CEP63: variants seen among roughly 807,000 people sequenced by gnomAD.
CEP63 encodes the protein centrosomal protein of 63 kDa.
A neutral mutation model predicts 89.1 loss-of-function variants in CEP63; 84 were observed. The ratio of observed to expected loss-of-function variants is 0.94; its 90% confidence interval spans 0.79 to 1.13. The LOEUF is 1.13. Ranked by LOEUF, CEP63 falls within the 50% of genes most tolerant of loss-of-function variation. CEP63 has a pLI of 0.00. For synonymous variants in CEP63, 267 were observed against 272.5 expected, an observed-to-expected ratio of 0.98 and a Z score of 0.20; for missense variants, 838 against 813.3, an observed-to-expected ratio of 1.03 and a Z score of -0.37.
the CEP63 span, among the ~76,000 whole-genome samples, chr3:134,621,914 A>G: frequency 8.5e-5 from 13 of 152,352 alleles, no homozygotes; most frequent in Middle Eastern, 3.4e-3. Flanking sequence ...ACTTGAACAG[A>G]TATTTCTCTA....
the CEP63 span, among the ~76,000 whole-genome samples, chr3:134,657,420 A>T: frequency 2.0e-5 from 3 of 152,344 alleles, no homozygotes; most frequent in South Asian, 4.1e-4. Context: ...TTATTTAAAA[A>T]GTATAATTGG....
chr3:134,602,266 C>G, the CEP63 span, among the ~76,000 whole-genome samples: 1 of 152,114 alleles, frequency 6.6e-6, no homozygotes, highest in Non-Finnish European at 1.5e-5. Flanking sequence ...TATCTGCCCT[C>G]GCTGAAGTCA....
the CEP63 span, among the ~76,000 whole-genome samples, chr3:134,680,529 G>A: frequency 6.6e-6 from 1 of 152,296 alleles, no homozygotes; most frequent in Non-Finnish European, 1.5e-5. Flanking sequence ...AGACTTTACT[G>A]AGCCTCAGTT....
chr3:134,667,833 T>A, the CEP63 span, among the ~76,000 whole-genome samples: 2 of 152,174 alleles, frequency 1.3e-5, no homozygotes, highest in African/African-American at 2.4e-5. Flanking sequence ...CTGCTGGGGA[T>A]CATCAACTGG....
the CEP63 span, among the ~76,000 whole-genome samples, chr3:134,652,246 G>T: frequency 6.6e-6 from 1 of 152,258 alleles, no homozygotes; most frequent in Admixed American, 6.5e-5. Context: ...TATAGAAAGT[G>T]GTCTTCATAT....
At chr3:134,588,778 G>A (rs1958539043), downstream of CEP63, among the ~76,000 whole-genome samples, 1 of 152,074 alleles carries the variant, frequency 6.6e-6, no homozygotes, top group Non-Finnish European at 1.5e-5. Context: ...TCAAAAGTTA[G>A]TTCTTTAAAA....
chr3:134,505,195 T>G (rs565241591), intron 2 of CEP63, among the ~76,000 whole-genome samples: 1 of 152,334 alleles, frequency 6.6e-6, no homozygotes, highest in Admixed American at 6.5e-5. Flanking sequence ...ATTTTTCTTG[T>G]GTCCTTGTGT....
chr3:134,549,964 T>G, intron 10 of CEP63, 99 bp from the exon 11 acceptor site: 87 of 868,834 alleles, frequency 1.0e-4, no homozygotes, highest in Non-Finnish European at 1.6e-4. Flanking sequence ...TTTAATGTCT[T>G]GAGATAAGGT....
the CEP63 span, among the ~76,000 whole-genome samples, chr3:134,617,256 C>T: frequency 6.6e-6 from 1 of 152,268 alleles, no homozygotes; most frequent in African/African-American, 2.4e-5. Flanking sequence ...GGAAAATAAT[C>T]ATGTTCTGAA....
chr3:134,755,221 GCCCTGAA>G, the CEP63 span, among the ~76,000 whole-genome samples: 575 of 87,764 alleles, frequency 6.6e-3, 6 homozygotes, highest in African/African-American at 0.019. Context: ...AGAGGCCAGA[GCCCTGAA>G]CCCTGAGCCC....
rs1957602353 is a variant in CEP63 at position 134,564,319 on chromosome 3, C to G, written c.*2784C>G. ...TGCATGCTGTCCTTCAGTTTGTCTC[C>G]TCTTCCCACACCCTGTCATGTGCTC... On this transcript the variant is annotated 3_prime_UTR_variant, in exon 15 of 15. Coordinates refer to ENST00000675561, the MANE Select transcript of CEP63 (RefSeq NM_001353108.3). 1 of 985,450 alleles carries G rather than the reference C, an allele frequency of 1.0e-6. No homozygotes were observed. The allele number at this position is 985,450 out of a possible 1,614,324, so 61.0% of individuals were successfully genotyped here.
the CEP63 span, among the ~76,000 whole-genome samples, chr3:134,749,614 G>A: frequency 2.1e-5 from 3 of 145,202 alleles, no homozygotes; most frequent in Admixed American, 7.2e-5. Flanking sequence ...GTGTGCAACC[G>A]GGAGAGCTGT....
chr3:134,756,575 A>G, the CEP63 span, among the ~76,000 whole-genome samples: 2 of 152,096 alleles, frequency 1.3e-5, no homozygotes, highest in African/African-American at 4.8e-5. Flanking sequence ...GCTGGTCTCA[A>G]ACTCCTGGGC....
chr3:134,548,442 G>A lies in CEP63; in HGVS notation c.1068-620G>A, dbSNP rs144434722. ...ACCCACCTAAACACTTGTCATTGTC[G>A]TACTTATAGAATTTTTTTTGGTTTT... On this transcript the variant is annotated intron_variant, in intron 9 of 14. Transcript: ENST00000675561. Among the ~76,000 whole-genome samples, 7 of 152,218 alleles carry A rather than the reference G, an allele frequency of 4.6e-5. No homozygotes were observed. In the East Asian group the frequency reaches 5.8e-4, roughly 13 times the overall value.
At chr3:134,495,617 A>G (rs1279133093) in intron 2 of CEP63, among the ~76,000 whole-genome samples, 3 of 152,198 alleles carry the variant, frequency 2.0e-5, no homozygotes, top group Admixed American at 1.3e-4. Context: ...TGTGCTAATT[A>G]CTTAACTAGT....
downstream of CEP63, among the ~76,000 whole-genome samples, chr3:134,591,393 A>T (rs1422569212): frequency 1.3e-5 from 2 of 152,148 alleles, no homozygotes; most frequent in Admixed American, 1.3e-4. Flanking sequence ...AATCCTGGGA[A>T]ATTCATTGAA....
intron 14 of CEP63, among the ~76,000 whole-genome samples, chr3:134,561,096 A>G (rs1957261515): frequency 6.6e-6 from 1 of 152,268 alleles, no homozygotes; most frequent in Non-Finnish European, 1.5e-5. Context: ...GGAAGCATAT[A>G]TAAGTCTAAA....
chr3:134,527,457 A>G (rs1460924224), intron 3 of CEP63, among the ~76,000 whole-genome samples: 1 of 152,094 alleles, frequency 6.6e-6, no homozygotes, highest in Admixed American at 6.5e-5. Context: ...GTGCCCACCA[A>G]GGTTCTGTCT....
the CEP63 span, among the ~76,000 whole-genome samples, chr3:134,755,193 T>C: frequency 6.6e-6 from 1 of 150,710 alleles, no homozygotes; most frequent in Admixed American, 6.7e-5. Flanking sequence ...AACATTCACC[T>C]ATCTGGTAGC....
Sources: allele counts gnomAD v4.1 joint callset (sites outside exome capture counted in the v4.1 genomes callset), GRCh38; gene constraint gnomAD v4.1.1; transcripts MANE v1.5; gene names NCBI Gene and HGNC (gene_info 2026-07-23, HGNC 2026-07-21).